The following PCDHA13 variants were observed in gnomAD, a reference collection of about 807,000 sequenced individuals.
PCDHA13 encodes protocadherin alpha-13.
A neutral mutation model predicts 64.8 loss-of-function variants in PCDHA13; 54 were observed. The ratio of observed to expected loss-of-function variants is 0.83; its 90% CI spans 0.67 to 1.04. PCDHA13 has a LOEUF of 1.04. PCDHA13 is among the 50% of genes least tolerant of loss of function. The probability of loss-of-function intolerance (pLI) is 0.00; values close to 1 mark genes in which losing one functional copy is unlikely to be tolerated. For synonymous variants in PCDHA13, 587 were observed against 564.4 expected, an observed-to-expected ratio of 1.04 and a Z score of -0.57; for missense variants, 1,248 against 1,254.3, an observed-to-expected ratio of 0.99 and a Z score of 0.08.
intron 3 of PCDHA13, among the ~76,000 whole-genome samples, chr5:140,993,365 A>G (rs1207264244): frequency 1.3e-5 from 2 of 151,422 alleles, no homozygotes; most frequent in Admixed American, 6.6e-5. Flanking sequence ...CACAAAAACT[A>G]CCTCCCAGCC....
At chr5:140,967,428 C>T (rs782709354) in intron 1 of PCDHA13, 2 of 1,613,402 alleles carry the variant, frequency 1.2e-6, no homozygotes, top group East Asian at 4.5e-5. Context: ...GAGCAGGCAG[C>T]CTTGCACCAC....
chr5:140,979,147 C>A (rs2096836802), intron 2 of PCDHA13, 140 bp downstream of exon 2: 2 of 1,442,248 alleles, frequency 1.4e-6, no homozygotes, highest in African/African-American at 2.9e-5. Flanking sequence ...ATTATTTTGT[C>A]CCCATGTTTA....
chr5:140,980,412 A>G (rs1264059417), intron 2 of PCDHA13, among the ~76,000 whole-genome samples: 4 of 152,302 alleles, frequency 2.6e-5, no homozygotes, highest in Non-Finnish European at 5.9e-5. Flanking sequence ...TGGGCAGATC[A>G]TGAGGTCAAG....
At chr5:140,969,410 T>C (rs528910445) in intron 1 of PCDHA13, 12 of 1,572,752 alleles carry the variant, frequency 7.6e-6, no homozygotes, top group South Asian at 1.2e-5. Flanking sequence ...TTTGGCTTTA[T>C]TGAGTCATTA....
In PCDHA13 at chr5:140,959,152, A is replaced by C. The variant is rs182353196; in HGVS notation, c.2395-19797A>C. 1.3e-4 allele frequency among the ~76,000 whole-genome samples: 20 copies of C among 152,108 alleles called. No individual in the cohort carries two copies. The East Asian group carries it at 3.9e-3, about 30-fold the overall frequency. ...CCCACTTTGGGAGGCCAAAGTGGGC[A>C]GATTGCTTGACCCCAGGAGTTCAGG... On this transcript the variant is annotated intron_variant, in intron 1 of 3. Coordinates refer to ENST00000289272, the MANE Select transcript of PCDHA13 (RefSeq NM_018904.3).
chr5:140,905,826 T>C (rs782149349), intron 1 of PCDHA13, among the ~76,000 whole-genome samples: 8 of 152,170 alleles, frequency 5.3e-5, no homozygotes, highest in Non-Finnish European at 7.3e-5. Flanking sequence ...TAGATGTGTA[T>C]ATAAAGGGGA....
chr5:140,960,612 G>C (rs1467595478), intron 1 of PCDHA13, among the ~76,000 whole-genome samples: 1 of 152,110 alleles, frequency 6.6e-6, no homozygotes, highest in Non-Finnish European at 1.5e-5. Context: ...ACAATATCTA[G>C]TGTGTTTTTG....
chr5:140,917,334 G>GC (rs1563019411), intron 1 of PCDHA13, among the ~76,000 whole-genome samples: 1 of 147,630 alleles, frequency 6.8e-6, no homozygotes, highest in Non-Finnish European at 1.5e-5. Context: ...CGGGGGAGGG[G>GC]GGGGATGGTG....
chr5:140,888,088 C>G (rs941828532), intron 1 of PCDHA13, among the ~76,000 whole-genome samples: 3 of 151,906 alleles, frequency 2.0e-5, no homozygotes, highest in African/African-American at 4.8e-5. Flanking sequence ...ACATTTTTGT[C>G]CTTAGTTTGC....
At chr5:140,996,590 C>G (rs1325471388) in intron 3 of PCDHA13, among the ~76,000 whole-genome samples, 7 of 152,096 alleles carry the variant, frequency 4.6e-5, no homozygotes, top group African/African-American at 1.7e-4. Context: ...CAAGGGCCGC[C>G]TCCCCCCATT....
intron 3 of PCDHA13, among the ~76,000 whole-genome samples, chr5:140,995,247 A>G (rs1377733694): frequency 6.6e-6 from 1 of 152,186 alleles, no homozygotes; most frequent in Non-Finnish European, 1.5e-5. Context: ...TAAGTAAAAT[A>G]AGGGTACTTG....
chr5:140,897,999 G>A (rs1411789620), intron 1 of PCDHA13, among the ~76,000 whole-genome samples: 3 of 152,142 alleles, frequency 2.0e-5, no homozygotes, highest in East Asian at 1.9e-4. Context: ...TTTGAGAAGT[G>A]TCTGTTCATA....
Position 140,928,935 on chromosome 5 carries a change from C to G in PCDHA13, c.2394+44273C>G, listed in dbSNP as rs782430427. On this transcript the variant is annotated intron_variant, in intron 1 of 3. Transcript: ENST00000289272. ...CAGGAGGGCAGCTTTCTGCCCAGAA[C>G]TTGTATTTAGTAATTGCCTTGGCTT... The G allele has an allele frequency of 2.5e-6, 4 of 1,613,984 alleles. No individual in the cohort carries two copies. The East Asian group carries it at 8.9e-5, about 36-fold the overall frequency.
At chr5:140,973,107 G>A (rs2096572271) in intron 1 of PCDHA13, among the ~76,000 whole-genome samples, 1 of 152,192 alleles carries the variant, frequency 6.6e-6, no homozygotes, top group South Asian at 2.1e-4. Flanking sequence ...TTATGAAAGA[G>A]TAGCAGAGAT....
intron 1 of PCDHA13, among the ~76,000 whole-genome samples, chr5:140,941,239 C>CTTTCTTTCT (rs2092936825): frequency 7.4e-6 from 1 of 134,500 alleles, no homozygotes; most frequent in South Asian, 2.4e-4. Context: ...TTCTTTCTTT[C>CTTTCTTTCT]TTTCTTTCTT....
chr5:140,979,949 A>G (rs1554241287), intron 2 of PCDHA13, among the ~76,000 whole-genome samples: 2 of 152,248 alleles, frequency 1.3e-5, no homozygotes, highest in African/African-American at 4.8e-5. Context: ...TTAATGTGAA[A>G]TTAGTTTTAG....
chr5:140,942,023 A>G (rs1391051051), intron 1 of PCDHA13, among the ~76,000 whole-genome samples: 2 of 152,208 alleles, frequency 1.3e-5, no homozygotes, highest in African/African-American at 4.8e-5. Context: ...TTGGGAAAAA[A>G]TAATTCATAA....
At position 140,882,343 on chromosome 5, in the gene PCDHA13, G is replaced by T. The variant is rs1554173636; in HGVS notation, c.75G>T (p.Glu25Asp). 6.2e-7 allele frequency: 1 copy of T among 1,614,198 alleles called. No individual in the cohort carries two copies. The highest frequency in any genetic ancestry group is 1.7e-5 in the Admixed American group (1 of 60,028). The change falls in exon 1 of 4, where the codon GAG (glutamate) becomes GAT (aspartate). Residue 25 changes from glutamate (E) to aspartate (D), a missense_variant. Glu to Asp is a conservative substitution (Grantham distance 45, BLOSUM62 2). Transcript: ENST00000289272. The part of the protein sequence containing the change: ...LLWLLILAAW[E>D]TGSGQLHYSV... The stretch of plus-strand genomic sequence containing the variant: ...GGCTTCTGATCCTCGCAGCCTGGGA[G>T]ACGGGTAGTGGCCAGCTCCACTACT...
At chr5:140,891,624 T>C (rs1489586112) in intron 1 of PCDHA13, among the ~76,000 whole-genome samples, 1 of 152,188 alleles carries the variant, frequency 6.6e-6, no homozygotes, top group African/African-American at 2.4e-5. Context: ...TTTTAACACC[T>C]TTTGCTCTTT....
Sources: gnomAD v4.1 joint callset for allele counts (sites outside exome capture counted in the v4.1 genomes callset) on GRCh38, gnomAD v4.1.1 for gene constraint, MANE v1.5 for transcripts, NCBI Gene and HGNC (gene_info 2026-07-23, HGNC 2026-07-21) for gene names.